LAMA1: variants seen among roughly 807,000 people sequenced by gnomAD.
LAMA1 encodes laminin subunit alpha 1, also known as laminin subunit alpha-1.
A neutral mutation model predicts 348.7 loss-of-function variants in LAMA1; 219 were observed. That is an observed-to-expected ratio of 0.63 (90% CI 0.56 to 0.70). The LOEUF (loss-of-function observed/expected upper bound fraction) is 0.70. LAMA1 is among the 30% of genes least tolerant of loss of function. LAMA1 has a pLI of 0.00. For missense variants in LAMA1, 3,744 were observed against 3,888.0 expected (o/e 0.96, Z 0.99); for synonymous variants, 1,487 against 1,491.0 (o/e 1.00, Z 0.06).
chr18:7,041,422 G>A (rs777433272), intron 9 of LAMA1, among the ~76,000 whole-genome samples: 4 of 152,026 alleles, frequency 2.6e-5, no homozygotes, highest in Non-Finnish European at 5.9e-5. Context: ...CCAGGTGCAC[G>A]TAAGAATCAA....
Position 7,016,634 on chromosome 18 carries a change from C to G in LAMA1, c.2846G>C (p.Arg949Pro). 6.2e-7 allele frequency: 1 copy of G among 1,613,824 alleles called. No homozygotes were observed. The highest frequency in any genetic ancestry group is 1.1e-5 in the South Asian group (1 of 91,050). ...GCCTGCCACGCTGCAGTTGCAGGGC[C>G]GGCAGCCATGGCCTGAGTCCAGCCC... ...YYGLDSGHGC[R>P]PCNCSVAGSV... Residue 949 changes from arginine (R) to proline (P), a missense_variant, in exon 21 of 63, where the codon CGG (arginine) becomes CCG (proline). Physicochemically the swap from Arg to Pro is moderately radical, Grantham distance 103 (BLOSUM62 -2). Transcript: ENST00000389658.
intron 1 of LAMA1, among the ~76,000 whole-genome samples, chr18:7,081,669 G>GT (rs1410554961): frequency 1.3e-5 from 2 of 152,118 alleles, no homozygotes; most frequent in African/African-American, 2.4e-5. Context: ...CTTTATCTTG[G>GT]TAAAAGGGGA....
At chr18:6,991,692 T>C (rs1208719524) in intron 36 of LAMA1, among the ~76,000 whole-genome samples, 1 of 152,134 alleles carries the variant, frequency 6.6e-6, no homozygotes, top group Non-Finnish European at 1.5e-5. Flanking sequence ...GCCCAGCCAA[T>C]AATTCTACTT....
rs911143556 is a variant in LAMA1, at chr18:6,999,328, T to A, written c.4663+117A>T. ...GATCTATGCTTAGAAAATAAGAAAATGAAAATAAAATAGGATGTTTTTATT... is the reference window on the plus strand; with the variant it reads ...GATCTATGCTTAGAAAATAAGAAAAAGAAAATAAAATAGGATGTTTTTATT... On this transcript the variant is annotated intron_variant, in intron 32 of 62. Transcript: ENST00000389658. 9 of 1,020,186 alleles carry A rather than the reference T, an allele frequency of 8.8e-6. No homozygotes were observed. In the Admixed American group the frequency reaches 1.5e-4, roughly 17 times the overall value. The allele number at this position is 1,020,186 out of a possible 1,614,324, so 63.2% of individuals were successfully genotyped here. A position where few individuals can be genotyped will look rare whatever the true frequency, so the allele number is the denominator to read the frequency against.
chr18:6,956,365 TAGA>T (rs1185955950), intron 56 of LAMA1: 6 of 605,278 alleles, frequency 9.9e-6, no homozygotes, highest in Non-Finnish European at 1.8e-5. Context: ...TGAGTCCTTA[TAGA>T]AGCTCTGCCA....
chr18:6,982,791 C>A (rs78185564), intron 40 of LAMA1, among the ~76,000 whole-genome samples: 19,451 of 152,116 alleles, frequency 0.13, 1,268 homozygotes, highest in South Asian at 0.15. Context: ...AGGAAACCAG[C>A]CATTCAATAA....
rs112415914 is a variant in LAMA1 at position 7,073,822 on chromosome 18, T to TTG, written c.345+6151_345+6152dup. ...TATTTCTGAGGAACAACCATACTGG[T>TTG]TGTGTGTGTGTGTGTGTGTGTGTGT... On this transcript the variant is annotated intron_variant, in intron 3 of 62. Transcript: ENST00000389658. Among the ~76,000 whole-genome samples the TTG allele has an allele frequency of 9.9e-3, 1,380 of 139,838 alleles. 9 individuals carry two copies. The highest frequency in any genetic ancestry group is 0.026 in the African/African-American group (998 of 38,922). 91.7% of individuals were successfully genotyped at this position (139,838 alleles called of 152,430 possible).
chr18:7,043,160 T>C (rs1460925870), intron 8 of LAMA1, 67 bp downstream of exon 8: 3 of 1,530,824 alleles, frequency 2.0e-6, no homozygotes, highest in Non-Finnish European at 2.7e-6. Flanking sequence ...AGGTTAAGAC[T>C]TGACAAAGTC....
In LAMA1 at chr18:6,999,671, G is replaced by T. The variant is rs775385259; in HGVS notation, c.4470-33C>A. 8.4e-6 allele frequency: 13 copies of T among 1,548,536 alleles called. No individual in the cohort carries two copies. In the South Asian group the frequency reaches 1.3e-4, roughly 15 times the overall value. ...AAGGAAGGGACATAGGTGCAGACAG[G>T]ATGGTCAATACCAGCTTCTAACTTG... is the stretch of plus-strand genomic sequence containing the variant. On this transcript the variant is annotated intron_variant, in intron 31 of 62. Coordinates refer to ENST00000389658, the MANE Select transcript of LAMA1 (RefSeq NM_005559.4).
chr18:6,972,840 G>A (rs1364867591), intron 47 of LAMA1, among the ~76,000 whole-genome samples: 3 of 152,270 alleles, frequency 2.0e-5, no homozygotes, highest in East Asian at 3.9e-4. Context: ...ACAGGCATGT[G>A]CCACCACACC....
intron 3 of LAMA1, among the ~76,000 whole-genome samples, chr18:7,075,379 T>C (rs982649010): frequency 6.6e-6 from 1 of 151,942 alleles, no homozygotes; most frequent in Non-Finnish European, 1.5e-5. Flanking sequence ...TCCCGGCATT[T>C]TGGGAGGCCA....
In LAMA1 at chr18:7,038,953, G is replaced by C; in HGVS notation, c.1423-3C>G. 1 of 1,611,242 alleles carries C rather than the reference G, an allele frequency of 6.2e-7. No individual in the cohort carries two copies. Among genetic ancestry groups the C allele is most frequent in the South Asian group, 1.1e-5 (1 of 91,016 alleles). On this transcript the variant is annotated splice_polypyrimidine_tract_variant and splice_region_variant and intron_variant, in intron 10 of 62. Transcript: ENST00000389658. ...CAGGCCTTCCCCTCAACGTTTTCCTGTAAGTTAGGGTAAAAGATTAGCTTT... is the reference window on the plus strand; with the variant it reads ...CAGGCCTTCCCCTCAACGTTTTCCTCTAAGTTAGGGTAAAAGATTAGCTTT...
chr18:7,023,829 C>T (rs2057929726), intron 18 of LAMA1, among the ~76,000 whole-genome samples: 1 of 152,028 alleles, frequency 6.6e-6, no homozygotes, highest in South Asian at 2.1e-4. Context: ...TTGCTGCTTC[C>T]TATTGTTTTT....
intron 1 of LAMA1, among the ~76,000 whole-genome samples, chr18:7,103,537 T>C (rs1453247316): frequency 6.6e-6 from 1 of 152,066 alleles, no homozygotes. Context: ...CCTGGTGTGG[T>C]GGCTCACGCC....
rs141946680 is a variant in LAMA1 at position 7,036,850 on chromosome 18, T to A, written c.1737+728A>T. The stretch of plus-strand genomic sequence containing the variant: ...CTAGCATGCCTGTATGCCATTACTT[T>A]AAAACAAAACAAAACCAAAAACCCG... On this transcript the variant is annotated intron_variant, in intron 12 of 62. Coordinates refer to ENST00000389658, the MANE Select transcript of LAMA1 (RefSeq NM_005559.4). Among the ~76,000 whole-genome samples, 284 of 150,908 alleles carry A rather than the reference T, an allele frequency of 1.9e-3. 2 individuals carry two copies. Among genetic ancestry groups the A allele is most frequent in the Middle Eastern group, 0.018 (5 of 284 alleles).
intron 3 of LAMA1, among the ~76,000 whole-genome samples, chr18:7,064,934 G>A (rs2058116394): frequency 6.6e-6 from 1 of 152,116 alleles, no homozygotes; most frequent in Non-Finnish European, 1.5e-5. Flanking sequence ...GCTCTTAAAA[G>A]GGTGATTAAG....
intron 16 of LAMA1, among the ~76,000 whole-genome samples, chr18:7,026,415 C>A (rs866425156): frequency 6.6e-6 from 1 of 152,158 alleles, no homozygotes. Flanking sequence ...ACTGCTACCT[C>A]TAAGGGGAAT....
rs373127615 is a variant in LAMA1, at chr18:6,965,257, C to T, written c.7195+31G>A. Reference sequence around the variant, plus strand: ...AGATTTCTATTCTTATGAGGGTGACCGACATCTGGTGAGTCCATCTGTGTC... The same window carrying T: ...AGATTTCTATTCTTATGAGGGTGACTGACATCTGGTGAGTCCATCTGTGTC... On this transcript the variant is annotated intron_variant, in intron 50 of 62. Transcript: ENST00000389658. The T allele has an allele frequency of 2.5e-5, 40 of 1,613,642 alleles. No homozygotes were observed. The African/African-American group carries it at 3.2e-4, about 13-fold the overall frequency.
At chr18:6,982,912 C>T (rs941512021) in intron 40 of LAMA1, among the ~76,000 whole-genome samples, 187 bp downstream of exon 40, 13 of 152,128 alleles carry the variant, frequency 8.5e-5, no homozygotes, top group African/African-American at 2.9e-4. Context: ...GGTTTCTAGT[C>T]TGTATAAAGA....
Sources: gnomAD v4.1 joint callset for allele counts (sites outside exome capture counted in the v4.1 genomes callset) on GRCh38, gnomAD v4.1.1 for gene constraint, MANE v1.5 for transcripts, NCBI Gene and HGNC (gene_info 2026-07-23, HGNC 2026-07-21) for gene names.